Variants in NRP1 observed in about 807,000 individuals in gnomAD.
NRP1 encodes the protein neuropilin-1.
In NRP1, 35 loss-of-function variants were observed where a neutral mutation model predicts 106.7. That is an observed-to-expected ratio of 0.33 (90% CI 0.25 to 0.43). The LOEUF (loss-of-function observed/expected upper bound fraction) is 0.43. NRP1 is among the 20% of genes least tolerant of loss of function. The pLI, the probability that NRP1 is intolerant of heterozygous loss-of-function variation, is 1.00. For missense variants in NRP1, 1,024 were observed against 1,170.4 expected, an observed-to-expected ratio of 0.87 and a Z score of 1.83; for synonymous variants, 437 against 417.9, an observed-to-expected ratio of 1.05 and a Z score of -0.56.
intron 2 of NRP1, among the ~76,000 whole-genome samples, chr10:33,326,319 T>A (rs570314632): frequency 2.0e-5 from 3 of 152,196 alleles, no homozygotes; most frequent in Non-Finnish European, 4.4e-5. Flanking sequence ...TCGATGTACA[T>A]ACTGAAAACC....
intron 12 of NRP1, among the ~76,000 whole-genome samples, chr10:33,193,087 G>C (rs908975390): frequency 6.6e-6 from 1 of 151,590 alleles, no homozygotes; most frequent in African/African-American, 2.4e-5. Context: ...TCAATGTAAG[G>C]TCATCTAAAT....
chr10:33,219,833 C>A (rs1185579200), intron 8 of NRP1, among the ~76,000 whole-genome samples: 2 of 152,070 alleles, frequency 1.3e-5, no homozygotes, highest in East Asian at 3.9e-4. Context: ...AATACAATGA[C>A]ATGAGATAAG....
chr10:33,272,516 A>AG (rs1205666285), intron 2 of NRP1, among the ~76,000 whole-genome samples: 1 of 151,926 alleles, frequency 6.6e-6, no homozygotes, highest in Non-Finnish European at 1.5e-5. Flanking sequence ...GAGGAGGAGG[A>AG]GGGGAGGCAA....
chr10:33,222,844 G>C (rs546871337), intron 7 of NRP1, among the ~76,000 whole-genome samples: 2 of 152,166 alleles, frequency 1.3e-5, no homozygotes, highest in African/African-American at 4.8e-5. Flanking sequence ...AGAAAGATGA[G>C]GCATGTGACT....
At chr10:33,199,396 T>G (rs1445606254) in intron 11 of NRP1, among the ~76,000 whole-genome samples, 1 of 81,604 alleles carries the variant, frequency 1.2e-5, no homozygotes, top group Non-Finnish European at 2.4e-5. Flanking sequence ...TATATTTTTT[T>G]TTTTTTTTTT....
intron 4 of NRP1, among the ~76,000 whole-genome samples, chr10:33,263,141 C>G (rs758776067): frequency 6.6e-6 from 1 of 152,218 alleles, no homozygotes; most frequent in East Asian, 1.9e-4. Context: ...CAAACATTCT[C>G]GTTCCTTTTC....
At chr10:33,253,412 A>G (rs1336972547) in intron 6 of NRP1, among the ~76,000 whole-genome samples, 1 of 152,210 alleles carries the variant, frequency 6.6e-6, no homozygotes, top group Non-Finnish European at 1.5e-5. Flanking sequence ...CAGAGGTAGC[A>G]TCACTAATGA....
At chr10:33,194,876 G>T in intron 12 of NRP1, 1 of 430,742 alleles carries the variant, frequency 2.3e-6, no homozygotes, top group African/African-American at 2.1e-5. Context: ...GAGAGAAAAG[G>T]AGAGAAAAAA....
chr10:33,320,003 G>A (rs1052684549), intron 2 of NRP1, among the ~76,000 whole-genome samples: 9 of 152,104 alleles, frequency 5.9e-5, no homozygotes, highest in African/African-American at 9.6e-5. Flanking sequence ...AAGGGGGCGC[G>A]CGGGGCATGC....
At chr10:33,205,850 C>G (rs1837731100) in intron 10 of NRP1, 1 of 184,150 alleles carries the variant, frequency 5.4e-6, no homozygotes, top group South Asian at 1.2e-4. Context: ...CCCCCTAAAC[C>G]ATAATTTCCA....
At chr10:33,204,461 G>A (rs1211978491) in intron 10 of NRP1, among the ~76,000 whole-genome samples, 11 of 152,214 alleles carry the variant, frequency 7.2e-5, no homozygotes, top group Admixed American at 7.2e-4. Flanking sequence ...TGAAACAGTA[G>A]TATCTCCTCT....
chr10:33,266,531 A>G (rs1485760667), intron 3 of NRP1, among the ~76,000 whole-genome samples: 2 of 152,196 alleles, frequency 1.3e-5, no homozygotes, highest in African/African-American at 4.8e-5. Context: ...TTGTTTTAAT[A>G]TTTTCCTTAT....
intron 2 of NRP1, among the ~76,000 whole-genome samples, chr10:33,327,970 A>G (rs1165676061): frequency 6.6e-6 from 1 of 152,192 alleles, no homozygotes; most frequent in Non-Finnish European, 1.5e-5. Flanking sequence ...CAGGCTAAAT[A>G]TAACAGCCTT....
chr10:33,290,257 A>G (rs79137925), intron 2 of NRP1, among the ~76,000 whole-genome samples: 11,319 of 152,198 alleles, frequency 0.074, 502 homozygotes, highest in Middle Eastern at 0.11. Context: ...ACAAAATAAA[A>G]AGTTTCCAAA....
chr10:33,269,309 T>G (rs1298186029), intron 3 of NRP1, among the ~76,000 whole-genome samples: 2 of 152,226 alleles, frequency 1.3e-5, no homozygotes, highest in Non-Finnish European at 2.9e-5. Flanking sequence ...CATTTATATT[T>G]AGAGACAGGG....
intron 10 of NRP1, among the ~76,000 whole-genome samples, chr10:33,203,829 T>C (rs1306068239): frequency 5.5e-5 from 5 of 90,388 alleles, no homozygotes; most frequent in Non-Finnish European, 9.7e-5. Flanking sequence ...CAAGCTCTGC[T>C]TCCCGGGTTC....
intron 4 of NRP1, among the ~76,000 whole-genome samples, chr10:33,257,672 G>C (rs1304160016): frequency 6.6e-6 from 1 of 152,080 alleles, no homozygotes; most frequent in Non-Finnish European, 1.5e-5. Context: ...ACTTAAACTG[G>C]CCACACCTTT....
At position 33,254,061 on chromosome 10, in the gene NRP1, A is replaced by C. The variant is rs1564426206; in HGVS notation, c.948T>G (p.Thr316=). Residue 316 remains threonine, a synonymous_variant, in exon 6 of 17, where the codon ACT becomes ACG. Transcript: ENST00000374867. ...ACTCTCGGTAGGAATCCTCTCCGGG[A>C]GTCCACCCATTCTCAGGGTAGTTCA... ...SRLNYPENGW[T]PGEDSYREWI... 6.2e-7 allele frequency: 1 copy of C among 1,613,240 alleles called. No homozygotes were observed.
At chr10:33,302,901 A>T (rs181866602) in intron 2 of NRP1, among the ~76,000 whole-genome samples, 3 of 152,322 alleles carry the variant, frequency 2.0e-5, no homozygotes, top group African/African-American at 7.2e-5. Flanking sequence ...ATAGTCAATG[A>T]CTTCCTAGTT....
Sources: allele counts gnomAD v4.1 joint callset (sites outside exome capture counted in the v4.1 genomes callset), GRCh38; gene constraint gnomAD v4.1.1; transcripts MANE v1.5; gene names NCBI Gene and HGNC (gene_info 2026-07-23, HGNC 2026-07-21).